Variants in PRDM16 observed in about 807,000 individuals in gnomAD.
The protein encoded by PRDM16 is PR/SET domain 16, also known as histone-lysine N-methyltransferase PRDM16.
In PRDM16, 23 loss-of-function variants were observed where a neutral mutation model predicts 110.6. The ratio of observed to expected loss-of-function variants is 0.21; its 90% CI spans 0.15 to 0.29. The LOEUF (loss-of-function observed/expected upper bound fraction) is 0.29, where lower values mean the gene tolerates loss of function less well. Among genes scored for constraint, PRDM16 ranks in the 10% least tolerant of loss-of-function variants. The pLI is 1.00. For missense variants in PRDM16, 1,615 were observed against 1,794.3 expected, an observed-to-expected ratio of 0.90 and a Z score of 1.81; for synonymous variants, 799 against 781.8, an observed-to-expected ratio of 1.02 and a Z score of -0.37.
chr1:3,323,510 A>G (rs1221263968), intron 3 of PRDM16, among the ~76,000 whole-genome samples: 2 of 152,232 alleles, frequency 1.3e-5, no homozygotes, highest in African/African-American at 4.8e-5. Flanking sequence ...TGGAAAGCCC[A>G]GGGAGGCCGG....
chr1:3,150,121 CCGAACGCACAGG>C (rs1438765056), intron 1 of PRDM16, among the ~76,000 whole-genome samples: 1 of 152,086 alleles, frequency 6.6e-6, no homozygotes, highest in Admixed American at 6.6e-5. Flanking sequence ...TGGAATCCCC[CCGAACGCACAGG>C]CGAACTTTAC....
chr1:3,180,913 C>G (rs557652132), intron 1 of PRDM16, among the ~76,000 whole-genome samples: 23 of 150,706 alleles, frequency 1.5e-4, no homozygotes, highest in African/African-American at 5.5e-4. Context: ...CAGTCTTACA[C>G]GCAGCCTTAC....
chr1:3,322,188 TGA>T (rs1017801417), intron 3 of PRDM16, among the ~76,000 whole-genome samples: 10 of 151,532 alleles, frequency 6.6e-5, no homozygotes, highest in East Asian at 3.9e-4. Context: ...ACTGTGTGTG[TGA>T]GAGTGGGTGT....
rs1350817017 is a variant in PRDM16 at position 3,370,496 on chromosome 1, C to G, written c.439-14656C>G. Among the ~76,000 whole-genome samples, 1 of 152,116 alleles carries G rather than the reference C, an allele frequency of 6.6e-6. No homozygotes were observed. Among genetic ancestry groups the G allele is most frequent in the African/African-American group, 2.4e-5 (1 of 41,408 alleles). ...TTGAGCACTCATGGTTTGCCTGGCT[C>G]TGGGAATCAGCCAGATAAAACCTTC... is the stretch of plus-strand genomic sequence containing the variant. On this transcript the variant is annotated intron_variant, in intron 3 of 16. Coordinates refer to ENST00000270722, the MANE Select transcript of PRDM16 (RefSeq NM_022114.4). This position sits in a 1 kb window ranked among gnomAD's most constrained non-coding sequence, Gnocchi z 4.8.
intron 1 of PRDM16, among the ~76,000 whole-genome samples, chr1:3,178,132 C>A (rs1191312535): frequency 2.6e-5 from 4 of 152,098 alleles, no homozygotes; most frequent in Non-Finnish European, 5.9e-5. Context: ...CCCCTGCCAG[C>A]GATATTAGGG....
chr1:3,214,940 C>T (rs568802957), intron 2 of PRDM16, among the ~76,000 whole-genome samples: 35 of 152,314 alleles, frequency 2.3e-4, no homozygotes, highest in African/African-American at 6.5e-4. Context: ...GGGCATCGTC[C>T]CCCAAACCTT....
At chr1:3,225,743 G>C (rs1639275130) in intron 2 of PRDM16, among the ~76,000 whole-genome samples, 1 of 152,212 alleles carries the variant, frequency 6.6e-6, no homozygotes, top group African/African-American at 2.4e-5. Flanking sequence ...AATGAAGTCA[G>C]CAGTGTCTGC....
In PRDM16 at chr1:3,412,316, G is replaced by A. The variant is rs767432596; in HGVS notation, c.2119G>A (p.Gly707Ser). ...CATTGCCGAGAAGTACTTTGGCCCC[G>A]GCTTCATGGGGATGCAGGAGAAGAA... is the stretch of plus-strand genomic sequence containing the variant. ...ASIAEKYFGP[G>S]FMGMQEKKLG... The change falls in exon 9 of 17, where the codon GGC (glycine) becomes AGC (serine). Residue 707 changes from glycine (G) to serine (S), a missense_variant. Gly to Ser is a moderately conservative substitution (Grantham distance 56, BLOSUM62 0). Transcript: ENST00000270722. 23 of 1,613,630 alleles carry A rather than the reference G, an allele frequency of 1.4e-5. No individual in the cohort carries two copies. The highest frequency in any genetic ancestry group is 6.7e-5 in the Admixed American group (4 of 60,002).
At chr1:3,330,799 C>A (rs1194308447) in intron 3 of PRDM16, among the ~76,000 whole-genome samples, 5 of 152,244 alleles carry the variant, frequency 3.3e-5, no homozygotes, top group African/African-American at 1.2e-4. Context: ...AACCTTGGAT[C>A]TCTGGCCGAG....
At chr1:3,281,747 A>G (rs1640715260) in intron 3 of PRDM16, among the ~76,000 whole-genome samples, 1 of 152,234 alleles carries the variant, frequency 6.6e-6, no homozygotes, top group Non-Finnish European at 1.5e-5. Context: ...GGGTTCATTG[A>G]TGAGCTATGG....
At chr1:3,396,879 G>T (rs988129365) in intron 5 of PRDM16, among the ~76,000 whole-genome samples, 2 of 152,200 alleles carry the variant, frequency 1.3e-5, no homozygotes, top group Non-Finnish European at 2.9e-5. Context: ...TGGGCAAACT[G>T]GTATCCAGTG....
chr1:3,220,772 G>A (rs1022335875), intron 2 of PRDM16, among the ~76,000 whole-genome samples: 1 of 152,152 alleles, frequency 6.6e-6, no homozygotes, highest in African/African-American at 2.4e-5. Context: ...CAGGGTGCAG[G>A]GCTCGTGCAT....
At chr1:3,170,220 C>T (rs1220513380) in intron 1 of PRDM16, among the ~76,000 whole-genome samples, 1 of 152,246 alleles carries the variant, frequency 6.6e-6, no homozygotes, top group African/African-American at 2.4e-5. Context: ...TGGCCCTGCA[C>T]CTGCAGCCTG....
At chr1:3,171,983 G>A (rs1007312537) in intron 1 of PRDM16, among the ~76,000 whole-genome samples, 3 of 152,296 alleles carry the variant, frequency 2.0e-5, no homozygotes, top group Admixed American at 2.0e-4. Flanking sequence ...CGGGGTCCCC[G>A]GTGCTGAAGG....
chr1:3,171,608 T>G (rs1192837096), intron 1 of PRDM16, among the ~76,000 whole-genome samples: 1 of 152,130 alleles, frequency 6.6e-6, no homozygotes, highest in East Asian at 1.9e-4. Context: ...GGGGGGCCCT[T>G]CCCCAAATCT....
chr1:3,411,916 G>C lies in PRDM16; in HGVS notation c.1719G>C (p.Ala573=). The change falls in exon 9 of 17, where the codon GCG becomes GCC. Residue 573 remains alanine (A), a synonymous_variant. Coordinates refer to ENST00000270722, the MANE Select transcript of PRDM16 (RefSeq NM_022114.4). ...SNSSQGTTAA[A]GPEEKFESRL... ...GCAGCCAGGGCACGACGGCAGCTGC[G>C]GGGCCCGAGGAGAAGTTCGAGAGCC... The C allele has an allele frequency of 6.2e-7, 1 of 1,613,702 alleles. No homozygotes were observed. Among genetic ancestry groups the C allele is most frequent in the Non-Finnish European group, 8.5e-7 (1 of 1,179,866 alleles).
intron 3 of PRDM16, among the ~76,000 whole-genome samples, chr1:3,316,354 C>T (rs1014585393): frequency 5.3e-5 from 8 of 152,254 alleles, no homozygotes; most frequent in East Asian, 1.9e-4. Context: ...GGCAGGATCT[C>T]GTCTAGCCTG....
chr1:3,103,596 G>A (rs1236795261), intron 1 of PRDM16, among the ~76,000 whole-genome samples: 2 of 152,212 alleles, frequency 1.3e-5, no homozygotes, highest in Admixed American at 6.5e-5. Context: ...GGGTGGTGCA[G>A]AAACACCTGT....
intron 1 of PRDM16, among the ~76,000 whole-genome samples, chr1:3,180,278 C>G (rs964616400): frequency 8.6e-5 from 13 of 152,002 alleles, no homozygotes; most frequent in African/African-American, 3.1e-4. Flanking sequence ...GTATGTTCTG[C>G]TGTAAACTCA....
Sources: gnomAD v4.1 joint callset for allele counts (sites outside exome capture counted in the v4.1 genomes callset) on GRCh38, gnomAD v4.1.1 for gene constraint, Gnocchi (gnomAD v3.1) non-coding constraint, MANE v1.5 for transcripts, NCBI Gene and HGNC (gene_info 2026-07-23, HGNC 2026-07-21) for gene names.